The following TFDP1 variants were observed in gnomAD, a reference collection of about 807,000 sequenced individuals.
TFDP1 encodes transcription factor Dp-1.
A neutral mutation model predicts 48.0 loss-of-function variants in TFDP1; 6 were observed. The ratio of observed to expected loss-of-function variants is 0.13; its 90% CI spans 0.07 to 0.25. The LOEUF (loss-of-function observed/expected upper bound fraction) is 0.25. Among genes scored for constraint, TFDP1 ranks in the 10% least tolerant of loss-of-function variants. The probability of loss-of-function intolerance (pLI) is 1.00; values close to 1 mark genes in which losing one functional copy is unlikely to be tolerated. For missense variants in TFDP1, 335 were observed against 543.0 expected (o/e 0.62, Z 3.81); for synonymous variants, 201 against 211.6 (o/e 0.95, Z 0.44).
At chr13:113,610,175 GT>G (rs1223075833) in intron 2 of TFDP1, among the ~76,000 whole-genome samples, 1 of 151,674 alleles carries the variant, frequency 6.6e-6, no homozygotes, top group Non-Finnish European at 1.5e-5. Flanking sequence ...ATACTGTCAT[GT>G]GTGTGCCCCT....
chr13:113,623,092 C>A lies in TFDP1; in HGVS notation c.80-88C>A. 8.4e-7 allele frequency: 1 copy of A among 1,196,510 alleles called. No individual in the cohort carries two copies. The highest frequency in any genetic ancestry group is 2.6e-5 in the East Asian group (1 of 39,044). The allele number at this position is 1,196,510 out of a possible 1,614,324, so 74.1% of individuals were successfully genotyped here. ...GGGGAAAGCTAAGCATCTCTAATTG[C>A]AAGCACCGTCTTGCATTTAGAATGG... On this transcript the variant is annotated intron_variant, in intron 3 of 11. Transcript: ENST00000375370. This position sits in a 1 kb window ranked among gnomAD's most constrained non-coding sequence, Gnocchi z 5.2.
chr13:113,639,180 G>A (rs548682502), intron 11 of TFDP1, among the ~76,000 whole-genome samples: 3 of 152,238 alleles, frequency 2.0e-5, no homozygotes, highest in Non-Finnish European at 2.9e-5. Context: ...TTGTAGCTAT[G>A]TGTGAACGTG....
chr13:113,640,077 G>A (rs766147950), intron 11 of TFDP1, 43 bp from the exon 12 acceptor site: 14 of 1,454,914 alleles, frequency 9.6e-6, no homozygotes, highest in Admixed American at 2.2e-5. Flanking sequence ...GAGGCTGGGT[G>A]GGCCGCCTGC....
At chr13:113,585,703 A>AT in intron 1 of TFDP1, 71 bp from the exon 2 acceptor site, 3 of 966,594 alleles carry the variant, frequency 3.1e-6, no homozygotes, top group Middle Eastern at 2.3e-4. Flanking sequence ...GAGATGTGTT[A>AT]TTTTTTAAAC....
chr13:113,594,478 T>C (rs920118253), intron 2 of TFDP1, among the ~76,000 whole-genome samples: 1 of 150,880 alleles, frequency 6.6e-6, no homozygotes, highest in Non-Finnish European at 1.5e-5. Context: ...TCCTCAGCCC[T>C]GTCCAGGTGA....
In TFDP1 at chr13:113,627,604, A is replaced by T. The variant is rs536446532; in HGVS notation, c.187-4019A>T. 6.6e-6 allele frequency among the ~76,000 whole-genome samples: 1 copy of T among 152,288 alleles called. No homozygotes were observed. The highest frequency in any genetic ancestry group is 1.5e-5 in the Non-Finnish European group (1 of 68,014). On this transcript the variant is annotated intron_variant, in intron 4 of 11. Coordinates refer to ENST00000375370, the MANE Select transcript of TFDP1 (RefSeq NM_007111.5). The surrounding 1 kb of genome is among the most constrained non-coding windows in gnomAD (Gnocchi z 4.1). ...ATTAAGGTGCAAAAAGTGTGCACTT[A>T]GGGCAGAAGGGATGCCTTAAATCAG...
At chr13:113,593,901 G>A (rs998720835) in intron 2 of TFDP1, among the ~76,000 whole-genome samples, 16 of 148,256 alleles carry the variant, frequency 1.1e-4, no homozygotes, top group Non-Finnish European at 2.2e-4. Flanking sequence ...GGTGACAGGT[G>A]TGGTGTGTGC....
chr13:113,597,915 AGGG>A (rs2048325024), intron 2 of TFDP1, among the ~76,000 whole-genome samples: 1 of 152,108 alleles, frequency 6.6e-6, no homozygotes, highest in East Asian at 1.9e-4. Flanking sequence ...AGAATGATTG[AGGG>A]GGTGGCAGGT....
upstream of TFDP1, chr13:113,584,742 G>C (rs2047949565): frequency 6.8e-6 from 1 of 146,664 alleles, no homozygotes; most frequent in Non-Finnish European, 1.5e-5. Flanking sequence ...TGAGCCCCGC[G>C]TCCCGGCGCC....
rs533937679 is a variant in TFDP1, at chr13:113,633,350, C to G, written c.474+65C>G. ...GCCCAGCGGTGTGGTACGTTTCGCT[C>G]TTTTAATATCGGGAACAGTTAAAAC... On this transcript the variant is annotated intron_variant, in intron 6 of 11. Coordinates refer to ENST00000375370, the MANE Select transcript of TFDP1 (RefSeq NM_007111.5). This position sits in a 1 kb window ranked among gnomAD's most constrained non-coding sequence, Gnocchi z 4.5. 9 of 1,005,312 alleles carry G rather than the reference C, an allele frequency of 9.0e-6. No individual in the cohort carries two copies. The Admixed American group carries it at 1.6e-4, about 17-fold the overall frequency. 62.3% of individuals were successfully genotyped at this position (1,005,312 alleles called of 1,614,324 possible). A position where few individuals can be genotyped will look rare whatever the true frequency, so the allele number is the denominator to read the frequency against.
intron 11 of TFDP1, 101 bp downstream of exon 11, chr13:113,637,997 T>TGGCTGCTCTGACGTGGCTTGTCTGTCCA: frequency 6.8e-6 from 10 of 1,477,722 alleles, no homozygotes; most frequent in Non-Finnish European, 9.2e-6. Flanking sequence ...ATCAGGTCTG[T>TGGCTGCTCTGACGTGGCTTGTCTGTCCA]GGCTGCTCTG....
intron 2 of TFDP1, among the ~76,000 whole-genome samples, chr13:113,587,937 A>G (rs2048045864): frequency 6.6e-6 from 1 of 152,000 alleles, no homozygotes; most frequent in Admixed American, 6.5e-5. Context: ...GCTCACTGTG[A>G]CCTTGGCCTC....
Position 113,587,905 on chromosome 13 carries a change from A to G in TFDP1, c.12+2056A>G, listed in dbSNP as rs4150689. ...CGGAGTTTTGCTTGTTGCCCAGGCT[A>G]GAGTGCAATGGCGCGACCTCAGCTC... On this transcript the variant is annotated intron_variant, in intron 2 of 11. Coordinates refer to ENST00000375370, the MANE Select transcript of TFDP1 (RefSeq NM_007111.5). 1.2e-3 allele frequency among the ~76,000 whole-genome samples: 181 copies of G among 152,148 alleles called. 1 individual carries two copies. The highest frequency in any genetic ancestry group is 2.3e-3 in the Non-Finnish European group (157 of 68,014).
At chr13:113,625,368 G>A (rs2049121219) in intron 4 of TFDP1, among the ~76,000 whole-genome samples, 1 of 117,122 alleles carries the variant, frequency 8.5e-6, no homozygotes, top group Admixed American at 8.8e-5. Flanking sequence ...CGTGTCCTCA[G>A]GCGTCTCTCA....
rs892073396 is a variant in TFDP1, at chr13:113,623,971, T to C, written c.186+685T>C. Among the ~76,000 whole-genome samples the C allele has an allele frequency of 2.0e-4, 31 of 152,274 alleles. No individual in the cohort carries two copies. The highest frequency in any genetic ancestry group is 3.3e-4 in the Admixed American group (5 of 15,304). On this transcript the variant is annotated intron_variant, in intron 4 of 11. Transcript: ENST00000375370. This position sits in a 1 kb window ranked among gnomAD's most constrained non-coding sequence, Gnocchi z 5.2. ...CAGAAATGGGGCCCCAGGCACTTGGTGGGCAGGTTTGGCTGTGACTGGAGC... is the reference window on the plus strand; with the variant it reads ...CAGAAATGGGGCCCCAGGCACTTGGCGGGCAGGTTTGGCTGTGACTGGAGC...
chr13:113,593,970 G>C (rs1369863993), intron 2 of TFDP1, among the ~76,000 whole-genome samples: 1 of 144,722 alleles, frequency 6.9e-6, no homozygotes, highest in African/African-American at 2.6e-5. Context: ...ACCCTGCCCA[G>C]GTGACAGTTG....
At chr13:113,596,479 G>C (rs560366232) in intron 2 of TFDP1, among the ~76,000 whole-genome samples, 17 of 152,274 alleles carry the variant, frequency 1.1e-4, no homozygotes, top group Non-Finnish European at 2.2e-4. Context: ...GTGGATGAGG[G>C]GTTCCTCTTG....
rs1039785048 is a variant in TFDP1, at chr13:113,632,544, G to A, written c.309-576G>A. On this transcript the variant is annotated intron_variant, in intron 5 of 11. Coordinates refer to ENST00000375370, the MANE Select transcript of TFDP1 (RefSeq NM_007111.5). ...GCTCACGCCTGTAATCCTAGAGGCC[G>A]AGGCCAGCAGATCACGAGTTCAAGA... Among the ~76,000 whole-genome samples, 8 of 152,288 alleles carry A rather than the reference G, an allele frequency of 5.3e-5. No homozygotes were observed. In the East Asian group the frequency reaches 9.7e-4, roughly 18 times the overall value.
At chr13:113,637,539 T>C in intron 10 of TFDP1, 2 of 1,369,918 alleles carry the variant, frequency 1.5e-6, no homozygotes, top group Non-Finnish European at 1.9e-6. Flanking sequence ...ATGGGTATGA[T>C]ACTGAGGCAG....
Sources: allele counts gnomAD v4.1 joint callset (sites outside exome capture counted in the v4.1 genomes callset), GRCh38; gene constraint gnomAD v4.1.1; non-coding constraint Gnocchi (gnomAD v3.1); transcripts MANE v1.5; gene names NCBI Gene and HGNC (gene_info 2026-07-23, HGNC 2026-07-21).